The following ADGRL3 variants were observed in gnomAD, a reference collection of about 807,000 sequenced individuals.
ADGRL3 encodes the protein calcium-independent alpha-latrotoxin receptor 3.
Under a neutral mutation model 153.5 loss-of-function variants are expected in ADGRL3, and 62 were observed. That is an observed-to-expected ratio of 0.40 (90% confidence interval 0.33 to 0.50). The LOEUF (loss-of-function observed/expected upper bound fraction) is 0.50. Ranked by LOEUF, ADGRL3 falls within the 20% of genes least tolerant of loss-of-function variation. The pLI is 0.47. For synonymous variants in ADGRL3, 710 were observed against 672.5 expected (o/e 1.06, Z -0.86); for missense variants, 1,641 against 1,859.4 (o/e 0.88, Z 2.16).
intron 1 of ADGRL3, among the ~76,000 whole-genome samples, chr4:61,218,690 C>T (rs1285881768): frequency 6.6e-6 from 1 of 152,032 alleles, no homozygotes. Context: ...AAAAATACTG[C>T]ATTTTATGAA....
chr4:61,301,310 C>T (rs1018450867), intron 1 of ADGRL3, among the ~76,000 whole-genome samples: 1 of 152,114 alleles, frequency 6.6e-6, no homozygotes, highest in Non-Finnish European at 1.5e-5. Context: ...AAAATATTAG[C>T]CAGCAATGAG....
At chr4:61,779,160 TTTAAA>T (rs2097185737) in intron 8 of ADGRL3, among the ~76,000 whole-genome samples, 1 of 152,090 alleles carries the variant, frequency 6.6e-6, no homozygotes, top group Non-Finnish European at 1.5e-5. Context: ...GATCAGTGAG[TTTAAA>T]TTATTTGGTA....
chr4:61,463,436 C>G (rs1275700260), intron 2 of ADGRL3, among the ~76,000 whole-genome samples: 1 of 152,082 alleles, frequency 6.6e-6, no homozygotes, highest in Non-Finnish European at 1.5e-5. Context: ...GTGCTGCAGA[C>G]TTTTAACAAC....
intron 9 of ADGRL3, among the ~76,000 whole-genome samples, chr4:61,832,041 G>A (rs1168931738): frequency 6.6e-6 from 1 of 152,098 alleles, no homozygotes; most frequent in African/African-American, 2.4e-5. Flanking sequence ...TGGCAGTGTA[G>A]AGGCCAAGGG....
chr4:61,846,916 A>G (rs1203026811), intron 9 of ADGRL3, among the ~76,000 whole-genome samples: 1 of 148,174 alleles, frequency 6.7e-6, no homozygotes. Flanking sequence ...TCACAACGAC[A>G]GCACCAAGCC....
chr4:61,413,278 C>A (rs191896317), intron 2 of ADGRL3, among the ~76,000 whole-genome samples: 1 of 152,116 alleles, frequency 6.6e-6, no homozygotes, highest in Non-Finnish European at 1.5e-5. Flanking sequence ...CACTGATACC[C>A]GGGGTCGGTG....
intron 2 of ADGRL3, among the ~76,000 whole-genome samples, chr4:61,469,265 TG>T (rs2097917664): frequency 6.6e-6 from 1 of 152,116 alleles, no homozygotes; most frequent in East Asian, 1.9e-4. Flanking sequence ...TTAATTGTTT[TG>T]TGCCCAGTTT....
intron 8 of ADGRL3, among the ~76,000 whole-genome samples, chr4:61,759,375 T>C (rs904509222): frequency 2.0e-5 from 3 of 152,284 alleles, no homozygotes; most frequent in South Asian, 2.1e-4. Flanking sequence ...TCATTTCTTT[T>C]TATTCTTTTT....
At chr4:61,647,540 T>A (rs1186972969) in intron 5 of ADGRL3, among the ~76,000 whole-genome samples, 1 of 152,130 alleles carries the variant, frequency 6.6e-6, no homozygotes, top group Admixed American at 6.5e-5. Context: ...GTATTTTCTT[T>A]TGACGTTAGC....
rs1338961147 is a variant in ADGRL3 at position 62,070,482 on chromosome 4, T to C, written c.4206T>C (p.Pro1402=). ...TCATTCATGAGGAATCTGATGCTCCTTTGCTGCCCCCAAGAGTATACTCCA... is the reference window on the plus strand; with the variant it reads ...TCATTCATGAGGAATCTGATGCTCCCTTGCTGCCCCCAAGAGTATACTCCA... The part of the protein sequence containing the change: ...LELIHEESDA[P]LLPPRVYSTE... The change falls in exon 27 of 27, where the codon CCT becomes CCC. Residue 1402 remains proline (P), a synonymous_variant. Transcript: ENST00000683033. The C allele has an allele frequency of 5.8e-6, 9 of 1,551,240 alleles. No homozygotes were observed. In the East Asian group the frequency reaches 2.0e-4, roughly 34 times the overall value.
At chr4:61,618,910 G>T (rs536658118) in intron 5 of ADGRL3, among the ~76,000 whole-genome samples, 1 of 152,152 alleles carries the variant, frequency 6.6e-6, no homozygotes, top group African/African-American at 2.4e-5. Context: ...GTGGAGACAG[G>T]GTTTCTATGT....
intron 5 of ADGRL3, among the ~76,000 whole-genome samples, chr4:61,621,103 G>A (rs866992355): frequency 5.9e-5 from 9 of 152,046 alleles, no homozygotes; most frequent in African/African-American, 2.2e-4. Context: ...CTTACCTTAT[G>A]GAACAAGTAC....
In ADGRL3 at chr4:61,756,693, G is replaced by C. The variant is rs546612407; in HGVS notation, c.1399+23139G>C. Among the ~76,000 whole-genome samples, 3 of 152,258 alleles carry C rather than the reference G, an allele frequency of 2.0e-5. No individual in the cohort carries two copies. The South Asian group carries it at 6.2e-4, about 32-fold the overall frequency. ...TGGTGAAAAAGGGCATCCCTGTCTT[G>C]TGCCGGTTTCCAAAGGGAATGCTTC... On this transcript the variant is annotated intron_variant, in intron 8 of 26. Coordinates refer to ENST00000683033, the MANE Select transcript of ADGRL3 (RefSeq NM_001387552.1).
chr4:61,633,148 T>C (rs2093265095), intron 5 of ADGRL3, among the ~76,000 whole-genome samples: 1 of 151,880 alleles, frequency 6.6e-6, no homozygotes, highest in African/African-American at 2.4e-5. Flanking sequence ...TGGAGCTGAC[T>C]ATTGGAGCAA....
At chr4:61,372,560 T>C (rs9998574) in intron 1 of ADGRL3, among the ~76,000 whole-genome samples, 98,281 of 152,020 alleles carry the variant, frequency 0.65, 31,973 homozygotes, top group Middle Eastern at 0.79. Context: ...GGGTCAGCGA[T>C]CCACTTGAGG....
chr4:61,743,650 G>C (rs1319163149), intron 8 of ADGRL3, among the ~76,000 whole-genome samples: 1 of 152,190 alleles, frequency 6.6e-6, no homozygotes, highest in Non-Finnish European at 1.5e-5. Context: ...TGTATTTTAT[G>C]AGAAGCCCAC....
chr4:61,746,310 T>C (rs977742314), intron 8 of ADGRL3, among the ~76,000 whole-genome samples: 4 of 149,946 alleles, frequency 2.7e-5, no homozygotes, highest in Admixed American at 1.3e-4. Flanking sequence ...AGACAGAAAG[T>C]TAAAAAGGAT....
intron 9 of ADGRL3, among the ~76,000 whole-genome samples, chr4:61,865,854 C>T (rs1042906409): frequency 2.6e-5 from 4 of 152,118 alleles, no homozygotes; most frequent in African/African-American, 9.7e-5. Flanking sequence ...AATCCAGTTT[C>T]AGTTTTTTCA....
chr4:61,827,998 T>TA (rs750024752), intron 9 of ADGRL3, among the ~76,000 whole-genome samples: 5 of 152,202 alleles, frequency 3.3e-5, no homozygotes, highest in Non-Finnish European at 5.9e-5. Flanking sequence ...TCTTGAGATG[T>TA]AATTTATTTA....
Sources: gnomAD v4.1 joint callset for allele counts (sites outside exome capture counted in the v4.1 genomes callset) on GRCh38, gnomAD v4.1.1 for gene constraint, MANE v1.5 for transcripts, NCBI Gene and HGNC (gene_info 2026-07-23, HGNC 2026-07-21) for gene names.